The following CRTAC1 variants were observed in gnomAD, a reference collection of about 807,000 sequenced individuals.
CRTAC1 encodes the protein cartilage acidic protein 1, also known as acidic secreted protein in cartilage.
A neutral mutation model predicts 67.8 loss-of-function variants in CRTAC1; 37 were observed. The ratio of observed to expected loss-of-function variants is 0.55; its 90% CI spans 0.42 to 0.72. CRTAC1 has a LOEUF of 0.72. CRTAC1 is among the 30% of genes least tolerant of loss of function. The probability of loss-of-function intolerance (pLI) is 0.00; values close to 1 mark genes in which losing one functional copy is unlikely to be tolerated. For missense variants in CRTAC1, 780 were observed against 931.6 expected (o/e 0.84, Z 2.12); for synonymous variants, 348 against 371.0 (o/e 0.94, Z 0.71).
At chr10:97,885,973 A>T (rs2050278030) in intron 11 of CRTAC1, among the ~76,000 whole-genome samples, 1 of 152,276 alleles carries the variant, frequency 6.6e-6, no homozygotes, top group Admixed American at 6.5e-5. Flanking sequence ...CTATCCACCA[A>T]TGAATTTTAC....
chr10:97,979,206 G>A (rs1001335035), intron 2 of CRTAC1, among the ~76,000 whole-genome samples: 1 of 152,150 alleles, frequency 6.6e-6, no homozygotes, highest in Non-Finnish European at 1.5e-5. Flanking sequence ...TTTGAGTTCC[G>A]TGATAGTCAA....
chr10:97,901,923 C>A lies in CRTAC1; in HGVS notation c.997-284G>T, dbSNP rs542249999. Among the ~76,000 whole-genome samples, 6 of 152,264 alleles carry A rather than the reference C, an allele frequency of 3.9e-5. No homozygotes were observed. In the South Asian group the frequency reaches 1.2e-3, roughly 32 times the overall value. On this transcript the variant is annotated intron_variant, in intron 7 of 14. Transcript: ENST00000370597. ...CACCTGTCCATCCCTTCTGTCCATC[C>A]CTTGAGGCAGTACAGACATTAGCCT...
In CRTAC1 at chr10:97,908,177, G is replaced by A. The variant is rs780805144; in HGVS notation, c.716-30C>T. On this transcript the variant is annotated intron_variant, in intron 5 of 14. Coordinates refer to ENST00000370597, the MANE Select transcript of CRTAC1 (RefSeq NM_018058.7). ...AAAAGACATCGACCCACAGTGAGTG[G>A]CAGAAGCAAGCCCCAGGCCCACCTG... The A allele has an allele frequency of 3.7e-6, 6 of 1,612,142 alleles. No individual in the cohort carries two copies. The Admixed American group carries it at 1.0e-4, about 27-fold the overall frequency.
At chr10:98,005,981 G>A (rs887141043) in intron 2 of CRTAC1, among the ~76,000 whole-genome samples, 6 of 152,258 alleles carry the variant, frequency 3.9e-5, no homozygotes, top group Admixed American at 3.9e-4. Flanking sequence ...TGAAGAATGT[G>A]TTACGGTTTT....
intron 2 of CRTAC1, among the ~76,000 whole-genome samples, chr10:97,990,533 C>A (rs1842424119): frequency 6.6e-6 from 1 of 152,178 alleles, no homozygotes; most frequent in Non-Finnish European, 1.5e-5. Flanking sequence ...CTATTAGCGT[C>A]TTTTAGCAAG....
Position 97,932,080 on chromosome 10 carries a change from T to C in CRTAC1, c.421+4090A>G, listed in dbSNP as rs903760999. Among the ~76,000 whole-genome samples, 13 of 152,280 alleles carry C rather than the reference T, an allele frequency of 8.5e-5. No homozygotes were observed. The Middle Eastern group carries it at 0.01, about 120-fold the overall frequency. ...TCAGTCTTCCTCCTTCTCCTTTCCCTTACCCGCTTACCAATTCTCAGCCCT... is the reference window on the plus strand; with the variant it reads ...TCAGTCTTCCTCCTTCTCCTTTCCCCTACCCGCTTACCAATTCTCAGCCCT... On this transcript the variant is annotated intron_variant, in intron 3 of 14. Coordinates refer to ENST00000370597, the MANE Select transcript of CRTAC1 (RefSeq NM_018058.7).
chr10:97,971,666 T>TAAAG (rs941262301), intron 2 of CRTAC1, among the ~76,000 whole-genome samples: 4 of 152,238 alleles, frequency 2.6e-5, no homozygotes, highest in African/African-American at 9.6e-5. Flanking sequence ...AATTTTATGT[T>TAAAG]ATGCATAGTT....
intron 2 of CRTAC1, among the ~76,000 whole-genome samples, chr10:97,971,755 C>T (rs1287620972): frequency 1.3e-5 from 2 of 152,122 alleles, no homozygotes; most frequent in East Asian, 1.9e-4. Flanking sequence ...TATTTATATA[C>T]CTTGGAGAGG....
At chr10:97,876,583 C>T (rs979444534) in intron 14 of CRTAC1, among the ~76,000 whole-genome samples, 12 of 152,138 alleles carry the variant, frequency 7.9e-5, no homozygotes, top group African/African-American at 2.9e-4. Flanking sequence ...CCAGCTCCTC[C>T]ATTTGCATAA....
At chr10:97,934,804 G>T (rs1023707876) in intron 3 of CRTAC1, among the ~76,000 whole-genome samples, 10 of 152,056 alleles carry the variant, frequency 6.6e-5, no homozygotes, top group Non-Finnish European at 1.2e-4. Flanking sequence ...ATTCAACCTA[G>T]CCCCACAGGG....
At chr10:98,006,317 T>A (rs1842789293) in intron 2 of CRTAC1, among the ~76,000 whole-genome samples, 1 of 152,156 alleles carries the variant, frequency 6.6e-6, no homozygotes, top group African/African-American at 2.4e-5. Context: ...GCACGGAAGT[T>A]GCCAGAGGTG....
chr10:97,876,510 G>A (rs2050149112), intron 14 of CRTAC1, among the ~76,000 whole-genome samples: 1 of 152,036 alleles, frequency 6.6e-6, no homozygotes, highest in Non-Finnish European at 1.5e-5. Flanking sequence ...CATTTTTGTG[G>A]CAGCACTGGC....
intron 2 of CRTAC1, among the ~76,000 whole-genome samples, chr10:97,992,385 A>G (rs944054147): frequency 6.6e-6 from 1 of 152,222 alleles, no homozygotes; most frequent in Non-Finnish European, 1.5e-5. Flanking sequence ...AACCGTATGG[A>G]AGTTCCTCAA....
chr10:97,869,850 C>G (rs2050071984), intron 14 of CRTAC1: 1 of 152,282 alleles, frequency 6.6e-6, no homozygotes, highest in South Asian at 2.1e-4. Flanking sequence ...ACATCCCTCT[C>G]CACACCTCTA....
chr10:97,878,459 TG>T, intron 14 of CRTAC1: 2 of 440,284 alleles, frequency 4.5e-6, no homozygotes, highest in Non-Finnish European at 3.4e-6. Context: ...GCTTTTTTTT[TG>T]TTGAATATGT....
Position 97,905,617 on chromosome 10 carries a change from C to T in CRTAC1, c.851-803G>A, listed in dbSNP as rs185187814. Among the ~76,000 whole-genome samples, 235 of 152,374 alleles carry T rather than the reference C, an allele frequency of 1.5e-3. 1 individual carries two copies. Among genetic ancestry groups the T allele is most frequent in the African/African-American group, 5.4e-3 (224 of 41,588 alleles). On this transcript the variant is annotated intron_variant, in intron 6 of 14. Transcript: ENST00000370597. ...CCTGACGTTCCATGAGGTCAAGACT[C>T]TCTTCTTGGTTCACCTGGGTACACG... is the stretch of plus-strand genomic sequence containing the variant.
intron 2 of CRTAC1, among the ~76,000 whole-genome samples, chr10:97,997,133 C>T (rs1462077454): frequency 2.0e-5 from 3 of 148,660 alleles, no homozygotes; most frequent in African/African-American, 7.5e-5. Flanking sequence ...ATACCTAATG[C>T]TAAATGATGA....
At chr10:98,018,491 A>G (rs2136702518) in intron 1 of CRTAC1, among the ~76,000 whole-genome samples, 1 of 152,266 alleles carries the variant, frequency 6.6e-6, no homozygotes, top group South Asian at 2.1e-4. Context: ...AAGGTGAGAT[A>G]GTCTTTAGAC....
chr10:97,974,304 C>T lies in CRTAC1; in HGVS notation c.224+36834G>A, dbSNP rs114297107. On this transcript the variant is annotated intron_variant, in intron 2 of 14. Coordinates refer to ENST00000370597, the MANE Select transcript of CRTAC1 (RefSeq NM_018058.7). ...AAGCTGCCATGAAACCAGCAGGCTC[C>T]CCCCCTGCTGCGTAACAGGCGGACT... Among the ~76,000 whole-genome samples the T allele has an allele frequency of 6.1e-3, 931 of 152,178 alleles. 11 individuals carry two copies. The highest frequency in any genetic ancestry group is 0.021 in the African/African-American group (857 of 41,514).
Sources: allele counts gnomAD v4.1 joint callset (sites outside exome capture counted in the v4.1 genomes callset), GRCh38; gene constraint gnomAD v4.1.1; transcripts MANE v1.5; gene names NCBI Gene and HGNC (gene_info 2026-07-23, HGNC 2026-07-21).